The following ABCG8 variants were observed in gnomAD, a reference collection of about 807,000 sequenced individuals.
ABCG8 encodes the protein ATP binding cassette subfamily G member 8.
In ABCG8, 81 loss-of-function variants were observed where a neutral mutation model predicts 71.3. The ratio of observed to expected loss-of-function variants is 1.14; its 90% CI spans 0.95 to 1.37. The LOEUF (loss-of-function observed/expected upper bound fraction) is 1.37. Among genes scored for constraint, ABCG8 ranks in the 40% most tolerant of loss-of-function variants. ABCG8 has a pLI of 0.00. For synonymous variants in ABCG8, 451 were observed against 354.7 expected (o/e 1.27, Z -3.05); for missense variants, 1,119 against 866.2 (o/e 1.29, Z -3.66).
At chr2:43,859,883 A>G (rs1196832032) in intron 6 of ABCG8, among the ~76,000 whole-genome samples, 6 of 151,212 alleles carry the variant, frequency 4.0e-5, no homozygotes, top group African/African-American at 1.2e-4. Flanking sequence ...AACTCTCACT[A>G]TCTATCTGGA....
Position 43,878,030 on chromosome 2 carries a change from T to C in ABCG8, c.*117T>C, listed in dbSNP as rs1004844771. ...GACAATGACCCTACAGATGCTCAGC[T>C]ACATCCGGCCCAGGGTGCTGCAGTG... On this transcript the variant is annotated 3_prime_UTR_variant, in exon 13 of 13. Coordinates refer to ENST00000272286, the MANE Select transcript of ABCG8 (RefSeq NM_022437.3). 1 of 1,483,786 alleles carries C rather than the reference T, an allele frequency of 6.7e-7. No individual in the cohort carries two copies. Among genetic ancestry groups the C allele is most frequent in the African/African-American group, 1.4e-5 (1 of 72,014 alleles). 91.9% of individuals were successfully genotyped at this position (1,483,786 alleles called of 1,614,324 possible). A position where few individuals can be genotyped will look rare whatever the true frequency, so the allele number is the denominator to read the frequency against.
At chr2:43,846,563 G>A in intron 3 of ABCG8, 2 of 505,124 alleles carry the variant, frequency 4.0e-6, no homozygotes, top group East Asian at 7.7e-5. Flanking sequence ...TGTGGCCAGA[G>A]CATCTGACTT....
chr2:43,869,818 T>C (rs1405134376), intron 6 of ABCG8, among the ~76,000 whole-genome samples: 1 of 152,150 alleles, frequency 6.6e-6, no homozygotes, highest in East Asian at 1.9e-4. Context: ...ATTCTCACCA[T>C]CTGGCTAGAA....
chr2:43,842,204 G>T (rs1011110760), intron 1 of ABCG8, among the ~76,000 whole-genome samples: 1 of 152,024 alleles, frequency 6.6e-6, no homozygotes, highest in African/African-American at 2.4e-5. Flanking sequence ...GTAGAGACAG[G>T]GTTTCACTGT....
chr2:43,865,925 C>G (rs1572854711), intron 6 of ABCG8, among the ~76,000 whole-genome samples: 1 of 152,104 alleles, frequency 6.6e-6, no homozygotes, highest in South Asian at 2.1e-4. Flanking sequence ...CTCTGACTAT[C>G]TATCTGGATA....
intron 6 of ABCG8, among the ~76,000 whole-genome samples, chr2:43,858,952 C>A (rs1254248398): frequency 6.6e-6 from 1 of 151,338 alleles, no homozygotes; most frequent in African/African-American, 2.4e-5. Context: ...GGATAGAATT[C>A]TTAGTCTCTG....
At chr2:43,844,747 C>T (rs1010266521) in intron 2 of ABCG8, 139 bp downstream of exon 2, 28 of 684,242 alleles carry the variant, frequency 4.1e-5, no homozygotes, top group Non-Finnish European at 6.6e-5. Context: ...TGATGCCTCA[C>T]GTGTCAGGTG....
chr2:43,854,944 C>T (rs554638810), intron 6 of ABCG8, among the ~76,000 whole-genome samples: 20 of 152,160 alleles, frequency 1.3e-4, no homozygotes, highest in Non-Finnish European at 2.4e-4. Context: ...GGGTCTACAG[C>T]CAAGTGTGCT....
At chr2:43,859,663 C>G (rs932123071) in intron 6 of ABCG8, among the ~76,000 whole-genome samples, 1 of 150,602 alleles carries the variant, frequency 6.6e-6, no homozygotes, top group Non-Finnish European at 1.5e-5. Flanking sequence ...CCAGATAGAA[C>G]TCTCACTATC....
At position 43,875,407 on chromosome 2, in the gene ABCG8, T is replaced by C. The variant is rs780396544; in HGVS notation, c.1750T>C (p.Trp584Arg). 5 of 1,613,906 alleles carry C rather than the reference T, an allele frequency of 3.1e-6. No individual in the cohort carries two copies. The highest frequency in any genetic ancestry group is 4.2e-6 in the Non-Finnish European group (5 of 1,179,948). The change falls in exon 11 of 13, where the codon TGG becomes CGG. Residue 584 changes from tryptophan (W) to arginine (R), a missense_variant. Coordinates refer to ENST00000272286, the MANE Select transcript of ABCG8 (RefSeq NM_022437.3). Reference protein sequence around the residue: ...GGFMINLSSLWTVPAWISKVS... With the variant: ...GGFMINLSSLRTVPAWISKVS... ...CTTCATGATAAACTTGAGCAGCCTG[T>C]GGACAGGTAAGGCCTGCCCCCGGGG...
rs1266015996 is a variant in ABCG8 at position 43,878,058 on chromosome 2, A to G, written c.*145A>G. ...ATCCGGCCCAGGGTGCTGCAGTGGC[A>G]CAGACCAGCCACAGGATGGCAGTAG... On this transcript the variant is annotated 3_prime_UTR_variant, in exon 13 of 13. Transcript: ENST00000272286. 1 of 1,176,306 alleles carries G rather than the reference A, an allele frequency of 8.5e-7. No individual in the cohort carries two copies. Among genetic ancestry groups the G allele is most frequent in the Non-Finnish European group, 1.2e-6 (1 of 814,172 alleles). 72.9% of individuals were successfully genotyped at this position (1,176,306 alleles called of 1,614,324 possible).
intron 3 of ABCG8, among the ~76,000 whole-genome samples, chr2:43,849,350 CA>C (rs1455566292): frequency 3.3e-5 from 5 of 152,136 alleles, no homozygotes; most frequent in Non-Finnish European, 7.3e-5. Context: ...AAAGGGGAAG[CA>C]AGGTACATCT....
chr2:43,847,312 G>A (rs1668774669), intron 3 of ABCG8: 1 of 152,072 alleles, frequency 6.6e-6, no homozygotes, highest in South Asian at 2.1e-4. Context: ...AAGATCAAAT[G>A]AAATCTTATG....
intron 3 of ABCG8, among the ~76,000 whole-genome samples, chr2:43,850,248 T>C (rs937127347): frequency 6.6e-6 from 1 of 151,676 alleles, no homozygotes; most frequent in African/African-American, 2.4e-5. Context: ...TCTGCGGGAG[T>C]GGAAAGAGCT....
In ABCG8 at chr2:43,853,046, G is replaced by A. The variant is rs114197606; in HGVS notation, c.964+178G>A. ...GCCAGGTATCAAATGCTAGAAATGA[G>A]GGCCTGGAAATAGAAGCTTCTGACA... On this transcript the variant is annotated intron_variant, in intron 6 of 12. Transcript: ENST00000272286. Among the ~76,000 whole-genome samples the A allele has an allele frequency of 0.015, 2,291 of 152,220 alleles. 24 individuals carry two copies. Among genetic ancestry groups the A allele is most frequent in the Non-Finnish European group, 0.024 (1,610 of 68,010 alleles).
At chr2:43,850,068 C>T (rs939288621) in intron 3 of ABCG8, among the ~76,000 whole-genome samples, 9 of 151,876 alleles carry the variant, frequency 5.9e-5, no homozygotes, top group Non-Finnish European at 7.4e-5. Flanking sequence ...GGTGTGGTGG[C>T]GGGTGTGGTG....
At chr2:43,848,768 C>T (rs963704806) in intron 3 of ABCG8, among the ~76,000 whole-genome samples, 3 of 152,032 alleles carry the variant, frequency 2.0e-5, no homozygotes, top group African/African-American at 7.2e-5. Context: ...GTAATCCCAG[C>T]ACTTTGGGAG....
chr2:43,850,031 C>T (rs531084038), intron 3 of ABCG8, among the ~76,000 whole-genome samples: 8 of 152,112 alleles, frequency 5.3e-5, no homozygotes, highest in Admixed American at 2.0e-4. Flanking sequence ...GAAACCCCGT[C>T]GCTGCTAAAA....
At chr2:43,846,392 T>G in intron 3 of ABCG8, 81 bp downstream of exon 3, 1 of 1,589,194 alleles carries the variant, frequency 6.3e-7, no homozygotes. Flanking sequence ...ATGCTTCTTA[T>G]GGAGCTCTTT....
Sources: gnomAD v4.1 joint callset for allele counts (sites outside exome capture counted in the v4.1 genomes callset) on GRCh38, gnomAD v4.1.1 for gene constraint, MANE v1.5 for transcripts, NCBI Gene and HGNC (gene_info 2026-07-23, HGNC 2026-07-21) for gene names.